Variants in CNTN2 observed in about 807,000 individuals in gnomAD.
CNTN2 encodes the protein contactin-2.
CNTN2 carries 53 observed loss-of-function variants against 117.5 expected under a neutral mutation model. The ratio of observed to expected loss-of-function variants is 0.45; its 90% CI spans 0.36 to 0.57. The LOEUF (loss-of-function observed/expected upper bound fraction) is 0.57. Ranked by LOEUF, CNTN2 falls within the 20% of genes least tolerant of loss-of-function variation. CNTN2 has a pLI of 0.00. For missense variants in CNTN2, 1,106 were observed against 1,404.3 expected (o/e 0.79, Z 3.39); for synonymous variants, 530 against 561.7 (o/e 0.94, Z 0.80).
chr1:205,065,364 T>G lies in CNTN2; in HGVS notation c.1695+102T>G, dbSNP rs1574653194. ...CCTCACCTTTAAGAAACCCATAGCC[T>G]AAGCGCCCCCATTCCCTCAGGCCCA... is the stretch of plus-strand genomic sequence containing the variant. On this transcript the variant is annotated intron_variant, in intron 13 of 22. Coordinates refer to ENST00000331830, the MANE Select transcript of CNTN2 (RefSeq NM_005076.5). The surrounding 1 kb of genome is among the most constrained non-coding windows in gnomAD (Gnocchi z 4.1). The G allele has an allele frequency of 2.4e-6, 3 of 1,248,524 alleles. No individual in the cohort carries two copies. In the East Asian group the frequency reaches 7.0e-5, roughly 29 times the overall value. The allele number at this position is 1,248,524 out of a possible 1,614,324, so 77.3% of individuals were successfully genotyped here. A position where few individuals can be genotyped will look rare whatever the true frequency, so the allele number is the denominator to read the frequency against.
chr1:205,055,458 G>A (rs1470533897), intron 2 of CNTN2, among the ~76,000 whole-genome samples: 3 of 152,138 alleles, frequency 2.0e-5, no homozygotes, highest in Non-Finnish European at 4.4e-5. Flanking sequence ...GCATGGAGGT[G>A]GTACTACGCT....
Position 205,058,473 on chromosome 1 carries a change from G to A in CNTN2, c.392-95G>A. On this transcript the variant is annotated intron_variant, in intron 4 of 22. Transcript: ENST00000331830. The surrounding 1 kb of genome is among the most constrained non-coding windows in gnomAD (Gnocchi z 4.3). Reference sequence around the variant, plus strand: ...GGGCCTTCCTGACCTCACATGACATGCCTTAGTGAACTGCTGCTTCTCCGT... The same window carrying A: ...GGGCCTTCCTGACCTCACATGACATACCTTAGTGAACTGCTGCTTCTCCGT... 6.4e-7 allele frequency: 1 copy of A among 1,550,412 alleles called. No individual in the cohort carries two copies. Among genetic ancestry groups the A allele is most frequent in the Non-Finnish European group, 8.8e-7 (1 of 1,130,676 alleles).
chr1:205,074,355 G>A lies in CNTN2; in HGVS notation c.*590G>A, dbSNP rs1233466634. The stretch of plus-strand genomic sequence containing the variant: ...CCAAGCGGCTGAGAACCAGCGCCCC[G>A]ATGCCTGAGGCTGGGAGCCTGAGCC... On this transcript the variant is annotated 3_prime_UTR_variant, in exon 23 of 23. Coordinates refer to ENST00000331830, the MANE Select transcript of CNTN2 (RefSeq NM_005076.5). 5 of 400,276 alleles carry A rather than the reference G, an allele frequency of 1.2e-5. No individual in the cohort carries two copies. The highest frequency in any genetic ancestry group is 3.6e-5 in the East Asian group (1 of 28,088). The allele number at this position is 400,276 out of a possible 1,614,324, so 24.8% of individuals were successfully genotyped here. A position where few individuals can be genotyped will look rare whatever the true frequency, so the allele number is the denominator to read the frequency against.
chr1:205,066,694 C>A, intron 15 of CNTN2, 95 bp downstream of exon 15: 1 of 1,419,464 alleles, frequency 7.0e-7, no homozygotes, highest in Non-Finnish European at 9.6e-7. Flanking sequence ...GTCTGAGGGC[C>A]AGGGCTGAGC....
chr1:205,069,561 G>T lies in CNTN2; in HGVS notation c.2196G>T (p.Thr732=), dbSNP rs1396081188. ...CCGGAGAGCTCATCGTCAACTGGAC[G>T]GTAAGCTGCAAGGGTCAGATGTCCT... ...GAPGELIVNW[T]PMSREYQNGD... Residue 732 remains threonine (T), a splice_region_variant and synonymous_variant, in exon 17 of 23, where the codon ACG becomes ACT. Transcript: ENST00000331830. 6.2e-7 allele frequency: 1 copy of T among 1,612,646 alleles called. No individual in the cohort carries two copies. The highest frequency in any genetic ancestry group is 8.5e-7 in the Non-Finnish European group (1 of 1,179,984).
At chr1:205,070,666 C>A (rs1305780210) in intron 19 of CNTN2, 128 bp downstream of exon 19, 7 of 687,508 alleles carry the variant, frequency 1.0e-5, no homozygotes, top group African/African-American at 1.8e-5. Flanking sequence ...AACTGAGCAT[C>A]CAGTCTGTGT....
Position 205,076,496 on chromosome 1 carries a change from G to A in CNTN2, c.*2731G>A, listed in dbSNP as rs962024444. 6.6e-6 allele frequency: 1 copy of A among 152,128 alleles called. No individual in the cohort carries two copies. The highest frequency in any genetic ancestry group is 1.5e-5 in the Non-Finnish European group (1 of 68,028). 9.4% of individuals were successfully genotyped at this position (152,128 alleles called of 1,614,324 possible). On this transcript the variant is annotated 3_prime_UTR_variant, in exon 23 of 23. Coordinates refer to ENST00000331830, the MANE Select transcript of CNTN2 (RefSeq NM_005076.5). The stretch of plus-strand genomic sequence containing the variant: ...TTGAGAGTGTGCTTATTTTCACTGC[G>A]ATCATGAGACCACAGTTCTGGGTTA...
Position 205,058,887 on chromosome 1 carries a change from A to G in CNTN2, c.488-197A>G. 1 of 677,672 alleles carries G rather than the reference A, an allele frequency of 1.5e-6. No homozygotes were observed. Among genetic ancestry groups the G allele is most frequent in the East Asian group, 2.7e-5 (1 of 36,798 alleles). 42.0% of individuals were successfully genotyped at this position (677,672 alleles called of 1,614,324 possible). ...AACTGGGTGGCCCCTGAGGGCTGCG[A>G]TCCCTGGCAGACTTAGCGCTCCCTG... is the stretch of plus-strand genomic sequence containing the variant. On this transcript the variant is annotated intron_variant, in intron 5 of 22. Coordinates refer to ENST00000331830, the MANE Select transcript of CNTN2 (RefSeq NM_005076.5). The surrounding 1 kb of genome is among the most constrained non-coding windows in gnomAD (Gnocchi z 4.3).
At chr1:205,066,627 G>A (rs765402828) in intron 15 of CNTN2, 28 bp downstream of exon 15, 2 of 1,610,810 alleles carry the variant, frequency 1.2e-6, no homozygotes, top group Non-Finnish European at 1.7e-6. Flanking sequence ...CTGGGTCAGT[G>A]CTGATAAGGC....
chr1:205,061,467 C>G lies in CNTN2; in HGVS notation c.973+47C>G. The stretch of plus-strand genomic sequence containing the variant: ...CTCCGCCCCTCCCGACCCCCCTTCC[C>G]GCCTTCACCCTTGTCCCCAAGGAAA... On this transcript the variant is annotated intron_variant, in intron 8 of 22. Coordinates refer to ENST00000331830, the MANE Select transcript of CNTN2 (RefSeq NM_005076.5). This position sits in a 1 kb window ranked among gnomAD's most constrained non-coding sequence, Gnocchi z 4.8. 2 of 1,510,572 alleles carry G rather than the reference C, an allele frequency of 1.3e-6. No individual in the cohort carries two copies. Among genetic ancestry groups the G allele is most frequent in the Non-Finnish European group, 1.8e-6 (2 of 1,124,406 alleles). The allele number at this position is 1,510,572 out of a possible 1,614,324, so 93.6% of individuals were successfully genotyped here.
intron 2 of CNTN2, among the ~76,000 whole-genome samples, chr1:205,055,452 G>T (rs2096459498): frequency 6.6e-6 from 1 of 152,172 alleles, no homozygotes; most frequent in South Asian, 2.1e-4. Context: ...GTGCCTGCAT[G>T]GAGGTGGTAC....
At chr1:205,072,993 G>C in intron 21 of CNTN2, 75 bp from the exon 22 acceptor site, 1 of 1,528,690 alleles carries the variant, frequency 6.5e-7, no homozygotes, top group Non-Finnish European at 8.9e-7. Flanking sequence ...TCTCCTCCCA[G>C]TACCTAAAGC....
chr1:205,047,102 A>G (rs2096442872), intron 1 of CNTN2, among the ~76,000 whole-genome samples: 1 of 152,180 alleles, frequency 6.6e-6, no homozygotes, highest in Non-Finnish European at 1.5e-5. Context: ...AAGCAGCTGC[A>G]ATCACAAAGA....
In CNTN2 at chr1:205,058,935, T is replaced by C; in HGVS notation, c.488-149T>C. 1 of 756,500 alleles carries C rather than the reference T, an allele frequency of 1.3e-6. No homozygotes were observed. Among genetic ancestry groups the C allele is most frequent in the East Asian group, 2.7e-5 (1 of 37,148 alleles). The allele number at this position is 756,500 out of a possible 1,614,324, so 46.9% of individuals were successfully genotyped here. Reference sequence around the variant, plus strand: ...CTGAGGGCAGGAATAAAGTCACTTCTTCCCTCTAGGTCTCCCCTTAGCCCC... The same window carrying C: ...CTGAGGGCAGGAATAAAGTCACTTCCTCCCTCTAGGTCTCCCCTTAGCCCC... On this transcript the variant is annotated intron_variant, in intron 5 of 22. Coordinates refer to ENST00000331830, the MANE Select transcript of CNTN2 (RefSeq NM_005076.5). This position sits in a 1 kb window ranked among gnomAD's most constrained non-coding sequence, Gnocchi z 4.3.
chr1:205,065,036 C>G lies in CNTN2; in HGVS notation c.1520-51C>G. On this transcript the variant is annotated intron_variant, in intron 12 of 22. Coordinates refer to ENST00000331830, the MANE Select transcript of CNTN2 (RefSeq NM_005076.5). The surrounding 1 kb of genome is among the most constrained non-coding windows in gnomAD (Gnocchi z 4.1). ...TCTCAGCCTGCCCTGCGGACCCGGC[C>G]TGGGCCCATTTCCTCCCCCATCCAC... 1 of 1,594,600 alleles carries G rather than the reference C, an allele frequency of 6.3e-7. No homozygotes were observed. Among genetic ancestry groups the G allele is most frequent in the Non-Finnish European group, 8.6e-7 (1 of 1,166,634 alleles).
rs894921301 is a variant in CNTN2 at position 205,075,449 on chromosome 1, C to T, written c.*1684C>T. On this transcript the variant is annotated 3_prime_UTR_variant, in exon 23 of 23. Coordinates refer to ENST00000331830, the MANE Select transcript of CNTN2 (RefSeq NM_005076.5). ...CTAGGAAACCCCAAAGCCCATGCTC[C>T]GACAGGTGGCCCTTCACAGGGGGCA... 1 of 152,608 alleles carries T rather than the reference C, an allele frequency of 6.6e-6. No individual in the cohort carries two copies. Among genetic ancestry groups the T allele is most frequent in the Non-Finnish European group, 1.5e-5 (1 of 68,074 alleles). 9.5% of individuals were successfully genotyped at this position (152,608 alleles called of 1,614,324 possible).
chr1:205,058,222 C>A lies in CNTN2; in HGVS notation c.257C>A (p.Ser86Tyr). Residue 86 changes from serine to tyrosine, a missense_variant, in exon 4 of 23, where the codon TCC becomes TAC. Transcript: ENST00000331830. This position sits in a 1 kb window ranked among gnomAD's most constrained non-coding sequence, Gnocchi z 4.3. ...ACCGAGATGAAGCTGGAGCCAGGTT[C>A]CCGTCACCAGCTGGTGGGGGGCAAC... ...NGTEMKLEPG[S>Y]RHQLVGGNLV... 1 of 1,574,286 alleles carries A rather than the reference C, an allele frequency of 6.4e-7. No homozygotes were observed. Among genetic ancestry groups the A allele is most frequent in the Admixed American group, 1.8e-5 (1 of 55,066 alleles).
In CNTN2 at chr1:205,058,736, G is replaced by A. The variant is rs1258032507; in HGVS notation, c.487+73G>A. On this transcript the variant is annotated intron_variant, in intron 5 of 22. Coordinates refer to ENST00000331830, the MANE Select transcript of CNTN2 (RefSeq NM_005076.5). The surrounding 1 kb of genome is among the most constrained non-coding windows in gnomAD (Gnocchi z 4.3). ...TCCAGATGCTTGGCAGAGGAAGGAT[G>A]GAATAAAAGGAGACCCCTGGAAATG... 54 of 1,177,136 alleles carry A rather than the reference G, an allele frequency of 4.6e-5. 1 individual carries two copies. In the South Asian group the frequency reaches 7.1e-4, roughly 15 times the overall value. The allele number at this position is 1,177,136 out of a possible 1,614,324, so 72.9% of individuals were successfully genotyped here.
chr1:205,061,477 C>G lies in CNTN2; in HGVS notation c.973+57C>G, dbSNP rs1653980378. Reference sequence around the variant, plus strand: ...CCCGACCCCCCTTCCCGCCTTCACCCTTGTCCCCAAGGAAACAGACCCAAA... The same window carrying G: ...CCCGACCCCCCTTCCCGCCTTCACCGTTGTCCCCAAGGAAACAGACCCAAA... On this transcript the variant is annotated intron_variant, in intron 8 of 22. Coordinates refer to ENST00000331830, the MANE Select transcript of CNTN2 (RefSeq NM_005076.5). This position sits in a 1 kb window ranked among gnomAD's most constrained non-coding sequence, Gnocchi z 4.8. The G allele has an allele frequency of 1.3e-6, 2 of 1,491,350 alleles. No individual in the cohort carries two copies. Among genetic ancestry groups the G allele is most frequent in the South Asian group, 2.6e-5 (2 of 76,540 alleles). 92.4% of individuals were successfully genotyped at this position (1,491,350 alleles called of 1,614,324 possible).
Sources: allele counts gnomAD v4.1 joint callset (sites outside exome capture counted in the v4.1 genomes callset), GRCh38; gene constraint gnomAD v4.1.1; non-coding constraint Gnocchi (gnomAD v3.1); transcripts MANE v1.5; gene names NCBI Gene and HGNC (gene_info 2026-07-23, HGNC 2026-07-21).